AGBL1: variants seen among roughly 807,000 people sequenced by gnomAD.
AGBL1 encodes AGBL carboxypeptidase 1.
Under a neutral mutation model 118.9 loss-of-function variants are expected in AGBL1, and 130 were observed. That is an observed-to-expected ratio of 1.09 (90% CI 0.95 to 1.26). The LOEUF is 1.26. AGBL1 is among the 50% of genes most tolerant of loss of function. The pLI is 0.00. For synonymous variants in AGBL1, 555 were observed against 478.9 expected (o/e 1.16, Z -2.08); for missense variants, 1,584 against 1,298.1 (o/e 1.22, Z -3.38).
At chr15:86,860,162 C>A (rs1240451279) in intron 22 of AGBL1, among the ~76,000 whole-genome samples, 1 of 152,118 alleles carries the variant, frequency 6.6e-6, no homozygotes, top group African/African-American at 2.4e-5. Context: ...GTTACCAAGC[C>A]TCTCTGAGCC....
chr15:86,633,992 G>T (rs1422497760), intron 21 of AGBL1, among the ~76,000 whole-genome samples: 1 of 151,618 alleles, frequency 6.6e-6, no homozygotes, highest in East Asian at 1.9e-4. Flanking sequence ...TGTTTGGAAT[G>T]CAAATCAATA....
chr15:86,129,841 T>C (rs985541681), intron 1 of AGBL1, among the ~76,000 whole-genome samples: 1 of 152,080 alleles, frequency 6.6e-6, no homozygotes, highest in Non-Finnish European at 1.5e-5. Flanking sequence ...GTTAACACAG[T>C]GGAGGTTTTG....
rs76929817 is a variant in AGBL1, at chr15:86,896,667, T to C, written c.3159-10420T>C. Among the ~76,000 whole-genome samples the C allele has an allele frequency of 1.1e-3, 168 of 152,338 alleles. 2 individuals are homozygous for C. The East Asian group carries it at 0.028, about 25-fold the overall frequency. ...AATTAGCATATTGTCTATTGACTTC[T>C]GCTGTAAAAGATAAATTATTCCAAT... On this transcript the variant is annotated intron_variant, in intron 22 of 22. Coordinates refer to ENST00000614907, the MANE Select transcript of AGBL1 (RefSeq NM_001386094.1).
chr15:86,334,215 G>GA (rs2080321582), intron 17 of AGBL1, among the ~76,000 whole-genome samples: 1 of 151,908 alleles, frequency 6.6e-6, no homozygotes. Context: ...ATCTAAATAG[G>GA]AAAAAAAGAA....
At chr15:86,225,906 C>T (rs2078354664) in intron 6 of AGBL1, among the ~76,000 whole-genome samples, 1 of 152,092 alleles carries the variant, frequency 6.6e-6, no homozygotes, top group Non-Finnish European at 1.5e-5. Flanking sequence ...TGCTGTTTCC[C>T]TTTATAGGCT....
intron 7 of AGBL1, among the ~76,000 whole-genome samples, chr15:86,253,510 A>G (rs912743416): frequency 1.3e-5 from 2 of 152,074 alleles, no homozygotes; most frequent in African/African-American, 4.8e-5. Context: ...CGGCCTCCCA[A>G]AGTGCTGGGA....
At chr15:86,344,119 A>T (rs1411292628) in intron 17 of AGBL1, among the ~76,000 whole-genome samples, 1 of 152,204 alleles carries the variant, frequency 6.6e-6, no homozygotes, top group African/African-American at 2.4e-5. Flanking sequence ...AGTTGAATGA[A>T]ATCTATTGTA....
At chr15:86,520,293 G>C (rs1248139810) in intron 18 of AGBL1, among the ~76,000 whole-genome samples, 1 of 152,052 alleles carries the variant, frequency 6.6e-6, no homozygotes, top group Non-Finnish European at 1.5e-5. Flanking sequence ...TTCTCTATAG[G>C]GATATCTAAA....
At chr15:86,562,604 C>G (rs1555426031) in intron 21 of AGBL1, among the ~76,000 whole-genome samples, 1 of 152,058 alleles carries the variant, frequency 6.6e-6, no homozygotes, top group Non-Finnish European at 1.5e-5. Flanking sequence ...CTAAAATTCT[C>G]TTTTTTTGTT....
chr15:86,943,203 A>G (rs991864571), intron 23 of AGBL1, among the ~76,000 whole-genome samples: 1 of 152,202 alleles, frequency 6.6e-6, no homozygotes, highest in Non-Finnish European at 1.5e-5. Context: ...GTCCTGTTCT[A>G]TCTTGAAACT....
chr15:86,799,033 A>C (rs1300925301), intron 22 of AGBL1, among the ~76,000 whole-genome samples: 7 of 151,968 alleles, frequency 4.6e-5, no homozygotes, highest in Non-Finnish European at 1.0e-4. Context: ...TTCGTTCAAT[A>C]CCAGGGCATT....
intron 21 of AGBL1, among the ~76,000 whole-genome samples, chr15:86,572,723 G>A (rs565689172): frequency 3.3e-5 from 5 of 152,298 alleles, no homozygotes; most frequent in African/African-American, 1.2e-4. Flanking sequence ...AGCTGCTCCC[G>A]CAGCTTCTCC....
intron 23 of AGBL1, among the ~76,000 whole-genome samples, chr15:86,978,128 G>T (rs538859405): frequency 1.3e-5 from 2 of 152,038 alleles, no homozygotes; most frequent in Non-Finnish European, 2.9e-5. Context: ...CAAATTCACA[G>T]ACTACTACCT....
chr15:86,719,155 G>A (rs7167902), intron 22 of AGBL1, among the ~76,000 whole-genome samples: 7 of 152,030 alleles, frequency 4.6e-5, no homozygotes, highest in African/African-American at 1.4e-4. Context: ...CATTTGAGAA[G>A]AGAGGGAGAC....
At chr15:86,691,439 T>C (rs980141141) in intron 22 of AGBL1, among the ~76,000 whole-genome samples, 16 of 152,144 alleles carry the variant, frequency 1.1e-4, no homozygotes, top group African/African-American at 3.6e-4. Context: ...AATAAAATGA[T>C]ACTTTGTTTC....
At position 86,495,895 on chromosome 15, in the gene AGBL1, C is replaced by T. The variant is rs564551168; in HGVS notation, c.2556-26915C>T. 3.3e-5 allele frequency among the ~76,000 whole-genome samples: 5 copies of T among 151,216 alleles called. No individual in the cohort carries two copies. In the East Asian group the frequency reaches 9.8e-4, roughly 30 times the overall value. ...TCTGAAGGATGTTTATAAAAATATC[C>T]CAATATTATATCTCCTTGGAACTAT... On this transcript the variant is annotated intron_variant, in intron 18 of 22. Transcript: ENST00000614907.
rs1896319963 is a variant in AGBL1 at position 86,095,646 on chromosome 15, C to CTTTTTTTTTTTTTTTTTTTTTTT, written c.51+15623_51+15624insTTTTTTTTTTTTTTTTTTTTTTT. Among the ~76,000 whole-genome samples, 14 of 116,684 alleles carry CTTTTTTTTTTTTTTTTTTTTTTT rather than the reference C, an allele frequency of 1.2e-4. 7 individuals carry two copies. The highest frequency in any genetic ancestry group is 1.3e-4 in the African/African-American group (4 of 31,940). The allele number at this position is 116,684 out of a possible 152,430, so 76.5% of individuals were successfully genotyped here. On this transcript the variant is annotated intron_variant, in intron 1 of 22. Coordinates refer to ENST00000614907, the MANE Select transcript of AGBL1 (RefSeq NM_001386094.1). ...TCATAATGTCACATGACCTTGGATA[C>CTTTTTTTTTTTTTTTTTTTTTTT]CTTTTTTTTTTTTTTTTTTTTTTTT... is the stretch of plus-strand genomic sequence containing the variant.
chr15:86,554,255 G>A (rs1377370617), intron 20 of AGBL1, 106 bp from the exon 21 acceptor site: 18 of 954,790 alleles, frequency 1.9e-5, no homozygotes, highest in Middle Eastern at 2.2e-4. Flanking sequence ...TTAAAGTAAC[G>A]AGTATTTTAT....
chr15:86,324,352 C>T (rs1175263662), intron 17 of AGBL1, among the ~76,000 whole-genome samples: 1 of 152,132 alleles, frequency 6.6e-6, no homozygotes, highest in East Asian at 1.9e-4. Flanking sequence ...GATGCCAGCA[C>T]TAAGGGATGG....
Sources: gnomAD v4.1 joint callset for allele counts (sites outside exome capture counted in the v4.1 genomes callset) on GRCh38, gnomAD v4.1.1 for gene constraint, MANE v1.5 for transcripts, NCBI Gene and HGNC (gene_info 2026-07-23, HGNC 2026-07-21) for gene names.